RAI14: variants seen among roughly 807,000 people sequenced by gnomAD.
RAI14 encodes retinoic acid induced 14.
In RAI14, 45 loss-of-function variants were observed where a neutral mutation model predicts 115.4. That is an observed-to-expected ratio of 0.39 (90% CI 0.31 to 0.50). The LOEUF is 0.50. Ranked by LOEUF, RAI14 falls within the 20% of genes least tolerant of loss-of-function variation. The pLI is 0.85. For missense variants in RAI14, 939 were observed against 1,131.2 expected, an observed-to-expected ratio of 0.83 and a Z score of 2.44; for synonymous variants, 371 against 415.4, an observed-to-expected ratio of 0.89 and a Z score of 1.30.
chr5:34,785,096 G>A (rs1213810851), intron 3 of RAI14, among the ~76,000 whole-genome samples: 1 of 152,220 alleles, frequency 6.6e-6, no homozygotes, highest in Non-Finnish European at 1.5e-5. Flanking sequence ...GGGGGAAAAT[G>A]TTGGAGCTAT....
chr5:34,718,598 G>A (rs550295556), intron 2 of RAI14, among the ~76,000 whole-genome samples: 6 of 152,270 alleles, frequency 3.9e-5, no homozygotes, highest in African/African-American at 7.2e-5. Flanking sequence ...GCCCTCCCCC[G>A]TTCTCAGTTC....
At chr5:34,725,508 G>A (rs1462498708) in intron 2 of RAI14, among the ~76,000 whole-genome samples, 1 of 151,906 alleles carries the variant, frequency 6.6e-6, no homozygotes, top group Admixed American at 6.6e-5. Context: ...TTCCCTCTTG[G>A]TAGGCAAATA....
At chr5:34,707,466 C>A (rs1740846189) in intron 2 of RAI14, among the ~76,000 whole-genome samples, 1 of 151,904 alleles carries the variant, frequency 6.6e-6, no homozygotes, top group African/African-American at 2.4e-5. Flanking sequence ...GACTCCGTCT[C>A]AAAAAAAATG....
Position 34,829,733 on chromosome 5 carries a change from A to G in RAI14, c.2801A>G (p.Glu934Gly), listed in dbSNP as rs370061754. 1.9e-6 allele frequency: 3 copies of G among 1,608,502 alleles called. No homozygotes were observed. Among genetic ancestry groups the G allele is most frequent in the African/African-American group, 2.7e-5 (2 of 74,738 alleles). ...QVKQLQNQLA[E>G]CKKQHQEVIS... ...TAATGTGAAATATTCCCTTTCTAGG[A>G]ATGCAAGAAACAACACCAGGAGGTC... The change falls in exon 17 of 18, where the codon GAA becomes GGA. Residue 934 changes from glutamate to glycine, a missense_variant and splice_region_variant. Transcript: ENST00000265109.
chr5:34,683,848 C>G (rs1744578637), intron 1 of RAI14, among the ~76,000 whole-genome samples: 1 of 152,136 alleles, frequency 6.6e-6, no homozygotes, highest in South Asian at 2.1e-4. Context: ...CTGCCTTAGC[C>G]TCCCGAGTGG....
chr5:34,788,620 T>A (rs1752584754), intron 3 of RAI14, among the ~76,000 whole-genome samples: 1 of 152,188 alleles, frequency 6.6e-6, no homozygotes, highest in South Asian at 2.1e-4. Flanking sequence ...TATAGAAATA[T>A]CAAAATGATA....
chr5:34,808,720 C>G (rs978884337), intron 7 of RAI14, 66 bp downstream of exon 7: 2 of 1,443,286 alleles, frequency 1.4e-6, no homozygotes, highest in African/African-American at 1.4e-5. Context: ...TGGGATACCT[C>G]TAGAGTCACT....
intron 3 of RAI14, among the ~76,000 whole-genome samples, chr5:34,779,888 A>G (rs888284987): frequency 2.0e-5 from 3 of 152,198 alleles, no homozygotes; most frequent in Non-Finnish European, 4.4e-5. Flanking sequence ...TTCATAAGGA[A>G]CCAAAAAAGA....
At chr5:34,814,497 T>G in intron 11 of RAI14, 86 bp from the exon 12 acceptor site, 3 of 973,194 alleles carry the variant, frequency 3.1e-6, no homozygotes, top group Non-Finnish European at 4.9e-6. Context: ...ATTGCATTGG[T>G]TAAACAGGTT....
intron 3 of RAI14, among the ~76,000 whole-genome samples, chr5:34,769,840 C>A (rs958375407): frequency 7.9e-5 from 12 of 152,180 alleles, no homozygotes; most frequent in African/African-American, 2.7e-4. Flanking sequence ...AATTCTCATG[C>A]CTCAGCCTCA....
intron 6 of RAI14, 49 bp downstream of exon 6, chr5:34,807,906 CT>C: frequency 6.8e-7 from 1 of 1,465,250 alleles, no homozygotes. Context: ...GAAACACCAA[CT>C]TTTCTTTTTC....
chr5:34,690,974 C>G (rs1279554286), intron 2 of RAI14, among the ~76,000 whole-genome samples: 2 of 152,046 alleles, frequency 1.3e-5, no homozygotes, highest in Admixed American at 1.3e-4. Flanking sequence ...TATAGATACT[C>G]AAGGTATCTT....
At chr5:34,802,305 G>A (rs539187827) in intron 4 of RAI14, among the ~76,000 whole-genome samples, 31 of 152,254 alleles carry the variant, frequency 2.0e-4, no homozygotes, top group African/African-American at 6.3e-4. Flanking sequence ...CCCTGAACAC[G>A]CCCGATCTCG....
At chr5:34,678,537 TG>T (rs1744162229) in intron 1 of RAI14, among the ~76,000 whole-genome samples, 1 of 152,184 alleles carries the variant, frequency 6.6e-6, no homozygotes, top group Non-Finnish European at 1.5e-5. Context: ...GCAATTAGGA[TG>T]CAGACACACA....
At chr5:34,811,597 C>A (rs375867025) in intron 8 of RAI14, among the ~76,000 whole-genome samples, 170 bp from the exon 9 acceptor site, 18,695 of 144,150 alleles carry the variant, frequency 0.13, 1,607 homozygotes, top group Middle Eastern at 0.19. Flanking sequence ...AAAAAAAAAA[C>A]CACCTAATTT....
intron 5 of RAI14, among the ~76,000 whole-genome samples, chr5:34,804,955 A>G (rs188847246): frequency 1.1e-4 from 17 of 152,300 alleles, no homozygotes; most frequent in Admixed American, 2.6e-4. Flanking sequence ...TCTGATTTTA[A>G]GGAAGAATTA....
chr5:34,670,002 G>A (rs950209378), intron 1 of RAI14, among the ~76,000 whole-genome samples: 1 of 152,206 alleles, frequency 6.6e-6, no homozygotes, highest in Non-Finnish European at 1.5e-5. Context: ...TATTCCTTAA[G>A]CATATGCTCT....
chr5:34,680,285 G>T (rs1397968915), intron 1 of RAI14, among the ~76,000 whole-genome samples: 1 of 152,162 alleles, frequency 6.6e-6, no homozygotes, highest in Non-Finnish European at 1.5e-5. Flanking sequence ...GAGAAAAGAA[G>T]CTTATTGGGT....
chr5:34,673,593 A>G (rs1743768469), intron 1 of RAI14, among the ~76,000 whole-genome samples: 1 of 152,144 alleles, frequency 6.6e-6, no homozygotes, highest in East Asian at 1.9e-4. Flanking sequence ...GTACTGACAA[A>G]TACTTTGGTG....
Sources: allele counts gnomAD v4.1 joint callset (sites outside exome capture counted in the v4.1 genomes callset), GRCh38; gene constraint gnomAD v4.1.1; transcripts MANE v1.5; gene names NCBI Gene and HGNC (gene_info 2026-07-23, HGNC 2026-07-21).